Variants in CEP290 observed in about 807,000 individuals in gnomAD.
The protein encoded by CEP290 is centrosomal protein 290.
A neutral mutation model predicts 344.9 loss-of-function variants in CEP290; 317 were observed. The observed-to-expected ratio is 0.92, with a 90% confidence interval of 0.84 to 1.01. The LOEUF (loss-of-function observed/expected upper bound fraction) is 1.01. CEP290 is among the 50% of genes least tolerant of loss of function. The probability of loss-of-function intolerance (pLI) is 0.00; values close to 1 mark genes in which losing one functional copy is unlikely to be tolerated. For synonymous variants in CEP290, 932 were observed against 895.8 expected (o/e 1.04, Z -0.72); for missense variants, 2,754 against 2,761.4 (o/e 1.00, Z 0.06).
At position 88,089,043 on chromosome 12, in the gene CEP290, C is replaced by A; in HGVS notation, c.4018G>T (p.Gly1340Ter). Residue 1340 changes from glycine (G) to a stop codon, truncating the protein, a stop_gained, in exon 31 of 54, where the codon GGA (glycine) becomes TGA (stop). Transcript: ENST00000552810. LOFTEE classifies it high-confidence loss of function. ...GTTTAAATGTTTACCTTTTGGGCTC[C>A]TTTGGTATCCTTTAAAGTGCTTATT... Reference protein sequence around the residue: ...ELISTLKDTKGAQKVINWHMK... With the variant: ...ELISTLKDTK 6.7e-7 allele frequency: 1 copy of A among 1,493,950 alleles called. No individual in the cohort carries two copies. Among genetic ancestry groups the A allele is most frequent in the Non-Finnish European group, 8.9e-7 (1 of 1,123,626 alleles). The allele number at this position is 1,493,950 out of a possible 1,614,324, so 92.5% of individuals were successfully genotyped here.
chr12:88,055,428 C>T (rs1289726256), intron 50 of CEP290, 148 bp downstream of exon 50: 126 of 562,086 alleles, frequency 2.2e-4, no homozygotes, highest in Non-Finnish European at 2.0e-5. Flanking sequence ...TCCAAAGTTT[C>T]TGGCTTAAGC....
chr12:88,081,122 T>C (rs1390391621), intron 37 of CEP290, among the ~76,000 whole-genome samples: 5 of 152,152 alleles, frequency 3.3e-5, no homozygotes, highest in African/African-American at 4.8e-5. Flanking sequence ...TTGTGCATGA[T>C]AGGATGTTTA....
Position 88,139,124 on chromosome 12 carries a change from AG to A in CEP290, c.297+20del. ...ATAAAATTAATGACAATTACATCCT[AG>A]GGAATACAAAAAGACATACCTCCAG... On this transcript the variant is annotated intron_variant, in intron 5 of 53. Coordinates refer to ENST00000552810, the MANE Select transcript of CEP290 (RefSeq NM_025114.4). 8.7e-7 allele frequency: 1 copy of A among 1,143,666 alleles called. No individual in the cohort carries two copies. The highest frequency in any genetic ancestry group is 1.3e-6 in the Non-Finnish European group (1 of 796,270). 70.8% of individuals were successfully genotyped at this position (1,143,666 alleles called of 1,614,324 possible). A position where few individuals can be genotyped will look rare whatever the true frequency, so the allele number is the denominator to read the frequency against.
chr12:88,102,793 GA>G (rs1341563424), intron 26 of CEP290, 44 bp downstream of exon 26: 1 of 1,541,866 alleles, frequency 6.5e-7, no homozygotes, highest in Non-Finnish European at 8.8e-7. Flanking sequence ...AAATATTGAA[GA>G]AAAATGGCTA....
rs1265943048 is a variant in CEP290, at chr12:88,083,868, A to T, written c.4791T>A (p.Asn1597Lys). The change falls in exon 36 of 54, where the codon AAT (asparagine) becomes AAA (lysine). Residue 1597 changes from asparagine (N) to lysine (K), a missense_variant. By Grantham distance (94) the Asn-to-Lys change is moderately conservative. Coordinates refer to ENST00000552810, the MANE Select transcript of CEP290 (RefSeq NM_025114.4). ...RLELQADSSL[N>K]KFKQTAWDLM... Reference sequence around the variant, plus strand: ...TTACCCAAGCCGTTTGTTTGAATTTATTTAGTGAACTATCAGCCTGTAGTT... The same window carrying T: ...TTACCCAAGCCGTTTGTTTGAATTTTTTTAGTGAACTATCAGCCTGTAGTT... 6.3e-7 allele frequency: 1 copy of T among 1,584,226 alleles called. No homozygotes were observed. The highest frequency in any genetic ancestry group is 1.2e-5 in the South Asian group (1 of 84,898).
rs1474521702 is a variant in CEP290, at chr12:88,054,371, G to T, written c.7003C>A (p.Gln2335Lys). 1.2e-6 allele frequency: 2 copies of T among 1,611,156 alleles called. No individual in the cohort carries two copies. Among genetic ancestry groups the T allele is most frequent in the African/African-American group, 1.3e-5 (1 of 74,896 alleles). ...KHVPEGAETE[Q>K]GLKRELQVLR... ...ACTTGAAGCTCCCGTTTAAGGCCTT[G>T]CTCTGTCTCAGCACCTTCAGGAACA... The change falls in exon 51 of 54, where the codon CAA (glutamine) becomes AAA (lysine). Residue 2335 changes from glutamine to lysine, a missense_variant. Coordinates refer to ENST00000552810, the MANE Select transcript of CEP290 (RefSeq NM_025114.4).
chr12:88,066,637 C>A (rs1234409466), intron 44 of CEP290, among the ~76,000 whole-genome samples: 2 of 151,772 alleles, frequency 1.3e-5, no homozygotes, highest in African/African-American at 4.8e-5. Context: ...GAGCCTAACA[C>A]CATTTATCAT....
At chr12:88,139,597 C>T in intron 3 of CEP290, 33 bp from the exon 4 acceptor site, 4 of 1,432,348 alleles carry the variant, frequency 2.8e-6, no homozygotes, top group Non-Finnish European at 3.7e-6. Flanking sequence ...TTCAATATGC[C>T]TTTATACTGG....
Position 88,130,323 on chromosome 12 carries a change from C to A in CEP290, c.614G>T (p.Arg205Leu), listed in dbSNP as rs547665147. 6.2e-7 allele frequency: 1 copy of A among 1,607,658 alleles called. No individual in the cohort carries two copies. Among genetic ancestry groups the A allele is most frequent in the Non-Finnish European group, 8.5e-7 (1 of 1,177,760 alleles). ...ATAGTTTTTTTTAGACAACTGTGATCGGTAGTCACTGTCTTCCCCTCTTCT... is the reference window on the plus strand; with the variant it reads ...ATAGTTTTTTTTAGACAACTGTGATAGGTAGTCACTGTCTTCCCCTCTTCT... ...LSRRGEDSDY[R>L]SQLSKKNYEL... The change falls in exon 9 of 54, where the codon CGA (arginine) becomes CTA (leucine). Residue 205 changes from arginine to leucine, a missense_variant. Arg to Leu is a moderately radical substitution (Grantham distance 102). Transcript: ENST00000552810.
intron 18 of CEP290, chr12:88,115,693 T>G (rs552570195): frequency 3.0e-6 from 3 of 996,824 alleles, no homozygotes; most frequent in Non-Finnish European, 3.8e-6. Context: ...ATTCTAACTA[T>G]AATTGTTACA....
At chr12:88,065,303 T>C (rs943759409) in intron 44 of CEP290, among the ~76,000 whole-genome samples, 2 of 145,812 alleles carry the variant, frequency 1.4e-5, no homozygotes, top group African/African-American at 4.9e-5. Flanking sequence ...CTTTATAACA[T>C]CTTTTAGATC....
At chr12:88,080,965 A>G (rs567499422) in intron 37 of CEP290, among the ~76,000 whole-genome samples, 3 of 152,230 alleles carry the variant, frequency 2.0e-5, no homozygotes, top group Non-Finnish European at 4.4e-5. Flanking sequence ...TTGTGACTCT[A>G]GTCAAATATA....
chr12:88,140,834 G>T, intron 3 of CEP290, 122 bp downstream of exon 3: 4 of 614,292 alleles, frequency 6.5e-6, no homozygotes, highest in Non-Finnish European at 1.1e-5. Context: ...TAAATATATT[G>T]CATTTTTTAG....
intron 26 of CEP290, among the ~76,000 whole-genome samples, chr12:88,099,251 G>C (rs1487790284): frequency 6.6e-6 from 1 of 152,142 alleles, no homozygotes; most frequent in South Asian, 2.1e-4. Flanking sequence ...TAAAGTATCT[G>C]CCTTGACTAG....
In CEP290 at chr12:88,118,550, T is replaced by C. The variant is rs763632792; in HGVS notation, c.1644A>G (p.Glu548=). ...LLKEIESLEE[E]RLDLKKKIRQ... The stretch of plus-strand genomic sequence containing the variant: ...GAATTTTTTTTTTCAGATCAAGTCG[T>C]TCTTCCTCTAGACTTTCAATCTGCA... The change falls in exon 17 of 54, where the codon GAA becomes GAG. Residue 548 remains glutamate (E), a synonymous_variant. Coordinates refer to ENST00000552810, the MANE Select transcript of CEP290 (RefSeq NM_025114.4). 3 of 1,591,654 alleles carry C rather than the reference T, an allele frequency of 1.9e-6. No homozygotes were observed. Among genetic ancestry groups the C allele is most frequent in the African/African-American group, 2.7e-5 (2 of 74,574 alleles).
intron 30 of CEP290, among the ~76,000 whole-genome samples, chr12:88,090,389 T>G (rs1323102138): frequency 6.6e-6 from 1 of 152,154 alleles, no homozygotes; most frequent in East Asian, 1.9e-4. Flanking sequence ...CCCAGCATTC[T>G]GGGAAGTCAA....
intron 26 of CEP290, among the ~76,000 whole-genome samples, chr12:88,099,557 T>C: frequency 6.6e-6 from 1 of 152,142 alleles, no homozygotes; most frequent in East Asian, 1.9e-4. Flanking sequence ...GAACTTATAT[T>C]TGAGTGGAGT....
chr12:88,106,879 A>C lies in CEP290; in HGVS notation c.2613T>G (p.Asp871Glu). Residue 871 changes from aspartate to glutamate, a missense_variant, in exon 25 of 54, where the codon GAT becomes GAG. Transcript: ENST00000552810. ...CAAGTATTTTTTTCATTTCATCCGA[A>C]TCCATCTGAAGAGCATTGAGCAAAT... ...YNNLLNALQM[D>E]SDEMKKILAE... The C allele has an allele frequency of 6.2e-7, 1 of 1,606,478 alleles. No individual in the cohort carries two copies.
At chr12:88,116,246 GCTGA>G (rs1431247270) in intron 18 of CEP290, among the ~76,000 whole-genome samples, 4 of 152,160 alleles carry the variant, frequency 2.6e-5, no homozygotes, top group East Asian at 3.9e-4. Flanking sequence ...TACTAAAGGT[GCTGA>G]CTAACGATTC....
Sources: allele counts gnomAD v4.1 joint callset (sites outside exome capture counted in the v4.1 genomes callset), GRCh38; gene constraint gnomAD v4.1.1; transcripts MANE v1.5; gene names NCBI Gene and HGNC (gene_info 2026-07-23, HGNC 2026-07-21).